DNAI7: variants seen among roughly 807,000 people sequenced by gnomAD.
DNAI7 encodes the protein dynein axonemal intermediate chain 7.
Under a neutral mutation model 86.6 loss-of-function variants are expected in DNAI7, and 78 were observed. The ratio of observed to expected loss-of-function variants is 0.90; its 90% CI spans 0.75 to 1.09. The LOEUF is 1.09. Among genes scored for constraint, DNAI7 ranks in the 50% least tolerant of loss-of-function variants. The probability of loss-of-function intolerance (pLI) is 0.00; values close to 1 mark genes in which losing one functional copy is unlikely to be tolerated. For synonymous variants in DNAI7, 274 were observed against 273.0 expected (o/e 1.00, Z -0.04); for missense variants, 753 against 810.2 (o/e 0.93, Z 0.86).
At chr12:25,192,019 C>T (rs1950570158) in intron 1 of DNAI7, among the ~76,000 whole-genome samples, 1 of 152,202 alleles carries the variant, frequency 6.6e-6, no homozygotes, top group Non-Finnish European at 1.5e-5. Flanking sequence ...TAACACATAT[C>T]AGTAGATTCC....
chr12:25,143,409 C>A (rs182451198), intron 9 of DNAI7, among the ~76,000 whole-genome samples: 1 of 151,964 alleles, frequency 6.6e-6, no homozygotes, highest in Non-Finnish European at 1.5e-5. Context: ...CCACCACGCC[C>A]GGCTAATTTT....
At position 25,110,226 on chromosome 12, in the gene DNAI7, T is replaced by C; in HGVS notation, c.1794A>G (p.Glu598=). The part of the protein sequence containing the change: ...VIINNKVPLV[E]VKAYRQMALL... ...GGGCCATCTGTCGATAAGCTTTCAC[T>C]TCTACCAAAGGAACCTGTCAATATA... The change falls in exon 15 of 16, where the codon GAA becomes GAG. Residue 598 remains glutamate, a synonymous_variant. Transcript: ENST00000395987. 6.2e-7 allele frequency: 1 copy of C among 1,602,786 alleles called. No homozygotes were observed. Among genetic ancestry groups the C allele is most frequent in the Non-Finnish European group, 8.5e-7 (1 of 1,170,034 alleles).
Position 25,183,565 on chromosome 12 carries a change from TC to T in DNAI7, c.21+7048del, listed in dbSNP as rs1949761141. Among the ~76,000 whole-genome samples, 7 of 152,042 alleles carry T rather than the reference TC, an allele frequency of 4.6e-5. No homozygotes were observed. In the South Asian group the frequency reaches 1.5e-3, roughly 32 times the overall value. On this transcript the variant is annotated intron_variant, in intron 2 of 15. Coordinates refer to ENST00000395987, the MANE Select transcript of DNAI7 (RefSeq NM_018272.5). Reference sequence around the variant, plus strand: ...AATTTGTATAGTATGACTTTTTCCATCATTTCACTTCCAACTTTTCTGTATT... The same window carrying T: ...AATTTGTATAGTATGACTTTTTCCATATTTCACTTCCAACTTTTCTGTATT...
At chr12:25,145,049 T>C (rs1446390741) in intron 8 of DNAI7, among the ~76,000 whole-genome samples, 2 of 152,184 alleles carry the variant, frequency 1.3e-5, no homozygotes, top group Non-Finnish European at 2.9e-5. Context: ...TTACTATCTA[T>C]ACTATCAGAG....
chr12:25,107,111 C>A, downstream of DNAI7: 2 of 868,960 alleles, frequency 2.3e-6, no homozygotes, highest in Admixed American at 2.2e-5. Flanking sequence ...TGAGGCAGGG[C>A]TGACAGTATT....
intron 3 of DNAI7, 128 bp from the exon 4 acceptor site, chr12:25,158,691 T>C (rs1946498395): frequency 1.3e-6 from 2 of 1,496,030 alleles, no homozygotes; most frequent in South Asian, 1.3e-5. Context: ...CTTTATTACA[T>C]GGTAGATATG....
intron 2 of DNAI7, among the ~76,000 whole-genome samples, chr12:25,164,164 TC>T (rs1211371942): frequency 5.7e-5 from 8 of 140,120 alleles, no homozygotes; most frequent in African/African-American, 2.2e-4. Flanking sequence ...GAGGCAAGAA[TC>T]CCCCGACCCT....
At chr12:25,170,201 A>G (rs1468870224) in intron 2 of DNAI7, among the ~76,000 whole-genome samples, 1 of 151,448 alleles carries the variant, frequency 6.6e-6, no homozygotes, top group Admixed American at 6.6e-5. Flanking sequence ...GACCAGCCTG[A>G]CCAACATGGT....
intron 2 of DNAI7, among the ~76,000 whole-genome samples, chr12:25,182,639 A>ACACACGC (rs1555184991): frequency 2.7e-5 from 1 of 36,912 alleles, no homozygotes; most frequent in Admixed American, 2.4e-4. Flanking sequence ...CACACACACA[A>ACACACGC]GCCAGATGTG....
intron 9 of DNAI7, among the ~76,000 whole-genome samples, chr12:25,141,813 G>C (rs1944226571): frequency 6.7e-6 from 1 of 150,168 alleles, no homozygotes; most frequent in African/African-American, 2.4e-5. Flanking sequence ...CTGAGTGACA[G>C]AGTGAGACTC....
intron 13 of DNAI7, among the ~76,000 whole-genome samples, chr12:25,113,394 C>T (rs1193548620): frequency 1.3e-5 from 2 of 152,032 alleles, no homozygotes; most frequent in African/African-American, 4.8e-5. Context: ...CTCCGCCTCC[C>T]GGGTTCAAGC....
chr12:25,188,650 G>C (rs913718991), intron 2 of DNAI7, among the ~76,000 whole-genome samples: 4 of 140,222 alleles, frequency 2.9e-5, no homozygotes, highest in Admixed American at 1.5e-4. Context: ...CTCCAGCCTT[G>C]GCAACAGAGC....
intron 2 of DNAI7, among the ~76,000 whole-genome samples, chr12:25,177,638 C>T (rs938601987): frequency 6.6e-5 from 10 of 151,972 alleles, no homozygotes; most frequent in Admixed American, 3.3e-4. Flanking sequence ...TCCTGGTGTC[C>T]GTCTGCAAGG....
intron 9 of DNAI7, among the ~76,000 whole-genome samples, chr12:25,143,314 T>A (rs1944436221): frequency 6.6e-6 from 1 of 151,168 alleles, no homozygotes; most frequent in Non-Finnish European, 1.5e-5. Context: ...AATGGCATGA[T>A]CTCGGCTCAC....
Position 25,119,236 on chromosome 12 carries a change from TTC to T in DNAI7, c.1303_1304del (p.Glu435LysfsTer11), listed in dbSNP as rs747672666. 6.2e-7 allele frequency: 1 copy of T among 1,612,482 alleles called. No homozygotes were observed. Among genetic ancestry groups the T allele is most frequent in the Non-Finnish European group, 8.5e-7 (1 of 1,178,624 alleles). ...PPETTEEFET[E>X]NAFPPIEVTL... The stretch of plus-strand genomic sequence containing the variant: ...TGACCTCTATAGGTGGGAAAGCATT[TTC>T]TGTCTCAAACTCTTCTGTAGTTTCC... On this transcript the variant is annotated frameshift_variant, in exon 12 of 16. Transcript: ENST00000395987. LOFTEE classifies it high-confidence loss of function.
chr12:25,173,471 G>A (rs1948360865), intron 2 of DNAI7, among the ~76,000 whole-genome samples: 1 of 152,038 alleles, frequency 6.6e-6, no homozygotes, highest in African/African-American at 2.4e-5. Context: ...GCATGGATAT[G>A]GTGAACAGGA....
At chr12:25,194,898 T>C (rs765842038) in intron 1 of DNAI7, 178 bp downstream of exon 1, 4 of 1,614,032 alleles carry the variant, frequency 2.5e-6, no homozygotes, top group Non-Finnish European at 2.5e-6. Context: ...GTCCGCCTGG[T>C]CCAGGTAAGG....
intron 2 of DNAI7, among the ~76,000 whole-genome samples, chr12:25,187,514 T>C (rs1440533637): frequency 6.6e-6 from 1 of 152,190 alleles, no homozygotes; most frequent in African/African-American, 2.4e-5. Context: ...GGCAGGAACT[T>C]GGTCTTGCTG....
Position 25,177,585 on chromosome 12 carries a change from T to A in DNAI7, c.21+13029A>T, listed in dbSNP as rs145314281. Among the ~76,000 whole-genome samples the A allele has an allele frequency of 7.2e-3, 1,094 of 152,328 alleles. 5 individuals are homozygous for A. The highest frequency in any genetic ancestry group is 0.011 in the Non-Finnish European group (764 of 68,024). On this transcript the variant is annotated intron_variant, in intron 2 of 15. Transcript: ENST00000395987. ...GCTAGACATTGGATTGTTTCTGGTTTCTTACTATCATTAATGCTGCTATAA... is the reference window on the plus strand; with the variant it reads ...GCTAGACATTGGATTGTTTCTGGTTACTTACTATCATTAATGCTGCTATAA...
Sources: gnomAD v4.1 joint callset for allele counts (sites outside exome capture counted in the v4.1 genomes callset) on GRCh38, gnomAD v4.1.1 for gene constraint, MANE v1.5 for transcripts, NCBI Gene and HGNC (gene_info 2026-07-23, HGNC 2026-07-21) for gene names.